The following PSMD13 variants were observed in gnomAD, a reference collection of about 807,000 sequenced individuals.
PSMD13 encodes the protein proteasome 26S subunit, non-ATPase 13.
PSMD13 carries 8 observed loss-of-function variants against 57.4 expected under a neutral mutation model. The observed-to-expected ratio is 0.14, with a 90% CI of 0.08 to 0.25. The LOEUF (loss-of-function observed/expected upper bound fraction) is 0.25, where lower values mean the gene tolerates loss of function less well. Ranked by LOEUF, PSMD13 falls within the 10% of genes least tolerant of loss-of-function variation. PSMD13 has a pLI of 1.00. For synonymous variants in PSMD13, 193 were observed against 168.2 expected, an observed-to-expected ratio of 1.15 and a Z score of -1.14; for missense variants, 400 against 461.5, an observed-to-expected ratio of 0.87 and a Z score of 1.22.
intron 2 of PSMD13, among the ~76,000 whole-genome samples, chr11:240,088 T>TA (rs1859480530): frequency 1.4e-5 from 2 of 138,046 alleles, no homozygotes. Flanking sequence ...GGGAAAATGA[T>TA]AAATGAGACC....
At chr11:250,666 C>T (rs1859750042) in intron 9 of PSMD13, 137 bp from the exon 10 acceptor site, 1 of 694,162 alleles carries the variant, frequency 1.4e-6, no homozygotes, top group Non-Finnish European at 2.6e-6. Flanking sequence ...CTTCAGCAGT[C>T]TGCAATGTGA....
At position 242,489 on chromosome 11, in the gene PSMD13, T is replaced by C. The variant is rs560000767; in HGVS notation, c.175-1552T>C. Among the ~76,000 whole-genome samples the C allele has an allele frequency of 2.6e-5, 4 of 152,146 alleles. No homozygotes were observed. In the South Asian group the frequency reaches 6.2e-4, roughly 24 times the overall value. ...AACATGTTTACACAGAAGATAGATA[T>C]AAGATTTCAAGTAACTTATTGTACA... On this transcript the variant is annotated intron_variant, in intron 2 of 12. Coordinates refer to ENST00000532097, the MANE Select transcript of PSMD13 (RefSeq NM_002817.4).
rs1859761929 is a variant in PSMD13 at position 251,407 on chromosome 11, C to T, written c.838-139C>T. The T allele has an allele frequency of 8.4e-6, 6 of 716,444 alleles. No homozygotes were observed. Among genetic ancestry groups the T allele is most frequent in the South Asian group, 5.9e-5 (3 of 50,616 alleles). 44.4% of individuals were successfully genotyped at this position (716,444 alleles called of 1,614,324 possible). ...AGCTTGTTCTTAACAAGATATATGT[C>T]TAATATTAGGAAACTTTTTAGTATG... is the stretch of plus-strand genomic sequence containing the variant. On this transcript the variant is annotated intron_variant, in intron 10 of 12. Coordinates refer to ENST00000532097, the MANE Select transcript of PSMD13 (RefSeq NM_002817.4). The surrounding 1 kb of genome is among the most constrained non-coding windows in gnomAD (Gnocchi z 4.6).
chr11:247,153 TG>T, intron 6 of PSMD13, 123 bp from the exon 7 acceptor site: 2 of 882,420 alleles, frequency 2.3e-6, no homozygotes, highest in Non-Finnish European at 3.3e-6. Context: ...GAGGCTGAGG[TG>T]GGAGGATCAC....
At chr11:243,085 C>A in intron 2 of PSMD13, 1 of 484,418 alleles carries the variant, frequency 2.1e-6, no homozygotes, top group Non-Finnish European at 4.1e-6. Context: ...TGAGCCACTG[C>A]GCCCGGATGG....
chr11:243,783 A>G (rs1590248532), intron 2 of PSMD13, among the ~76,000 whole-genome samples: 1 of 152,182 alleles, frequency 6.6e-6, no homozygotes, highest in Non-Finnish European at 1.5e-5. Context: ...ATAGGTCAGT[A>G]CTCTAATTCC....
At position 251,450 on chromosome 11, in the gene PSMD13, C is replaced by G. The variant is rs1859762901; in HGVS notation, c.838-96C>G. ...TTAGTATGTGGGGTACTAATAAGAT[C>G]TCTATTTTCAGAGCCAATATTGACA... On this transcript the variant is annotated intron_variant, in intron 10 of 12. Transcript: ENST00000532097. This position sits in a 1 kb window ranked among gnomAD's most constrained non-coding sequence, Gnocchi z 4.6. 1.8e-6 allele frequency: 2 copies of G among 1,092,390 alleles called. No individual in the cohort carries two copies. The highest frequency in any genetic ancestry group is 2.7e-6 in the Non-Finnish European group (2 of 751,960). 67.7% of individuals were successfully genotyped at this position (1,092,390 alleles called of 1,614,324 possible).
At chr11:248,754 T>C in intron 7 of PSMD13, 22 bp from the exon 8 acceptor site, 1 of 1,609,830 alleles carries the variant, frequency 6.2e-7, no homozygotes. Flanking sequence ...GGATTGTAAG[T>C]GGGCCTGTGT....
At chr11:241,870 C>T (rs1012972612) in intron 2 of PSMD13, among the ~76,000 whole-genome samples, 3 of 152,204 alleles carry the variant, frequency 2.0e-5, no homozygotes, top group African/African-American at 4.8e-5. Flanking sequence ...TCCTCTGGTT[C>T]GGCCTTGCAC....
rs573121105 is a variant in PSMD13 at position 252,570 on chromosome 11, G to A, written c.1101G>A (p.Val367=). 9.0e-5 allele frequency: 146 copies of A among 1,614,176 alleles called. 1 individual carries two copies. In the South Asian group the frequency reaches 1.5e-3, roughly 17 times the overall value. ...ATGTGAAGAGCATGGAGATGCTGGT[G>A]GAGCACCAGGCCCATGACATCCTCA... ...CTDVKSMEML[V]EHQAHDILT The change falls in exon 13 of 13, where the codon GTG becomes GTA. Residue 367 remains valine (V), a synonymous_variant. Transcript: ENST00000532097. The surrounding 1 kb of genome is among the most constrained non-coding windows in gnomAD (Gnocchi z 4.1).
intron 2 of PSMD13, chr11:243,092 ATG>A (rs1859552526): frequency 2.4e-5 from 12 of 509,030 alleles, no homozygotes; most frequent in East Asian, 1.1e-4. Context: ...CTGCGCCCGG[ATG>A]GTTACGTCTT....
At chr11:238,052 A>C (rs1240626270) in intron 1 of PSMD13, among the ~76,000 whole-genome samples, 2 of 152,238 alleles carry the variant, frequency 1.3e-5, no homozygotes, top group African/African-American at 4.8e-5. Context: ...GTTGGATAGC[A>C]CTTGGTAATT....
intron 5 of PSMD13, 91 bp downstream of exon 5, chr11:244,560 A>G: frequency 2.0e-6 from 3 of 1,519,202 alleles, no homozygotes; most frequent in Admixed American, 1.7e-5. Context: ...CCAGACCTTT[A>G]GAGACCACAA....
chr11:252,076 T>C lies in PSMD13; in HGVS notation c.1035+140T>C. 1.2e-6 allele frequency: 1 copy of C among 804,396 alleles called. No homozygotes were observed. Among genetic ancestry groups the C allele is most frequent in the South Asian group, 1.7e-5 (1 of 58,582 alleles). The allele number at this position is 804,396 out of a possible 1,614,324, so 49.8% of individuals were successfully genotyped here. ...GGTTTTGGAGAAGGAAATACTGCTGTTGGGTTTTTCTAAGAGCCTAATTTA... is the reference window on the plus strand; with the variant it reads ...GGTTTTGGAGAAGGAAATACTGCTGCTGGGTTTTTCTAAGAGCCTAATTTA... On this transcript the variant is annotated intron_variant, in intron 12 of 12. Coordinates refer to ENST00000532097, the MANE Select transcript of PSMD13 (RefSeq NM_002817.4). This position sits in a 1 kb window ranked among gnomAD's most constrained non-coding sequence, Gnocchi z 4.1.
At position 244,770 on chromosome 11, in the gene PSMD13, A is replaced by G; in HGVS notation, c.396+9A>G. On this transcript the variant is annotated intron_variant, in intron 6 of 12. Transcript: ENST00000532097. ...ACCTACAGGTTACAAAGGTGAGATC[A>G]CCATAATACAGATTTATCTTTGGTT... 1 of 1,560,550 alleles carries G rather than the reference A, an allele frequency of 6.4e-7. No homozygotes were observed. The highest frequency in any genetic ancestry group is 8.7e-7 in the Non-Finnish European group (1 of 1,145,742).
In PSMD13 at chr11:252,244, T is replaced by TA. The variant is rs1266126714; in HGVS notation, c.1036-260dup. The stretch of plus-strand genomic sequence containing the variant: ...CTGTGATTTGAGCTCACGTCGCTCT[T>TA]ACATTTGCTGGAAATGCGATCCTGT... On this transcript the variant is annotated intron_variant, in intron 12 of 12. Transcript: ENST00000532097. The surrounding 1 kb of genome is among the most constrained non-coding windows in gnomAD (Gnocchi z 4.1). 3 of 520,758 alleles carry TA rather than the reference T, an allele frequency of 5.8e-6. No individual in the cohort carries two copies. Among genetic ancestry groups the TA allele is most frequent in the African/African-American group, 1.9e-5 (1 of 52,624 alleles). 32.3% of individuals were successfully genotyped at this position (520,758 alleles called of 1,614,324 possible).
At chr11:249,562 G>A (rs1859730281) in intron 9 of PSMD13, among the ~76,000 whole-genome samples, 1 of 145,684 alleles carries the variant, frequency 6.9e-6, no homozygotes. Flanking sequence ...GAGAGCGGCG[G>A]GTGCGGGGAG....
In PSMD13 at chr11:251,398, G is replaced by A; in HGVS notation, c.838-148G>A. 1.5e-6 allele frequency: 1 copy of A among 676,394 alleles called. No homozygotes were observed. The highest frequency in any genetic ancestry group is 2.5e-6 in the Non-Finnish European group (1 of 402,804). The allele number at this position is 676,394 out of a possible 1,614,324, so 41.9% of individuals were successfully genotyped here. On this transcript the variant is annotated intron_variant, in intron 10 of 12. Coordinates refer to ENST00000532097, the MANE Select transcript of PSMD13 (RefSeq NM_002817.4). This position sits in a 1 kb window ranked among gnomAD's most constrained non-coding sequence, Gnocchi z 4.6. ...AGCATTAAAAGCTTGTTCTTAACAA[G>A]ATATATGTCTAATATTAGGAAACTT... is the stretch of plus-strand genomic sequence containing the variant.
Position 246,947 on chromosome 11 carries a change from A to G in PSMD13, c.397-330A>G, listed in dbSNP as rs370573878. Among the ~76,000 whole-genome samples the G allele has an allele frequency of 1.7e-4, 26 of 152,268 alleles. No homozygotes were observed. In the East Asian group the frequency reaches 2.3e-3, roughly 14 times the overall value. ...TGGTCATAATTGCTGGTGGGTTATA[A>G]ATGTTGTAAATATTGTTTCCCAGTC... On this transcript the variant is annotated intron_variant, in intron 6 of 12. Coordinates refer to ENST00000532097, the MANE Select transcript of PSMD13 (RefSeq NM_002817.4).
Sources: gnomAD v4.1 joint callset for allele counts (sites outside exome capture counted in the v4.1 genomes callset) on GRCh38, gnomAD v4.1.1 for gene constraint, Gnocchi (gnomAD v3.1) non-coding constraint, MANE v1.5 for transcripts, NCBI Gene and HGNC (gene_info 2026-07-23, HGNC 2026-07-21) for gene names.